The following CSMD1 variants were observed in gnomAD, a reference collection of about 807,000 sequenced individuals.
The protein encoded by CSMD1 is CUB and Sushi multiple domains 1.
In CSMD1, 213 loss-of-function variants were observed where a neutral mutation model predicts 417.5. That is an observed-to-expected ratio of 0.51 (90% CI 0.46 to 0.57). CSMD1 has a LOEUF of 0.57. Among genes scored for constraint, CSMD1 ranks in the 20% least tolerant of loss-of-function variants. CSMD1 has a pLI of 0.00. For synonymous variants in CSMD1, 2,862 were observed against 1,736.8 expected, an observed-to-expected ratio of 1.65 and a Z score of -16.11; for missense variants, 6,923 against 4,529.7, an observed-to-expected ratio of 1.53 and a Z score of -15.17.
At chr8:3,590,269 A>G (rs1299798051) in intron 8 of CSMD1, among the ~76,000 whole-genome samples, 1 of 152,138 alleles carries the variant, frequency 6.6e-6, no homozygotes, top group Non-Finnish European at 1.5e-5. Flanking sequence ...TTTTGTTTAT[A>G]TATTCAAATG....
chr8:4,790,650 C>T (rs1303401926), intron 1 of CSMD1, among the ~76,000 whole-genome samples: 1 of 152,114 alleles, frequency 6.6e-6, no homozygotes, highest in Non-Finnish European at 1.5e-5. Flanking sequence ...ACCAATGCAA[C>T]AGGTTACAGA....
intron 7 of CSMD1, among the ~76,000 whole-genome samples, chr8:3,654,658 G>C (rs1393425969): frequency 1.3e-5 from 2 of 152,208 alleles, no homozygotes; most frequent in Non-Finnish European, 2.9e-5. Flanking sequence ...AGCTCCATTT[G>C]TGATATGCTA....
chr8:3,136,533 G>A (rs1488539351), intron 41 of CSMD1, among the ~76,000 whole-genome samples: 1 of 152,088 alleles, frequency 6.6e-6, no homozygotes, highest in Non-Finnish European at 1.5e-5. Flanking sequence ...CCAAAGTGCT[G>A]GGATTACAGA....
chr8:4,214,797 C>G (rs1277687772), intron 3 of CSMD1, among the ~76,000 whole-genome samples: 2 of 152,066 alleles, frequency 1.3e-5, no homozygotes, highest in Non-Finnish European at 2.9e-5. Context: ...TGTAGTATAA[C>G]TTTAAGAGAA....
Position 3,308,427 on chromosome 8 carries a change from G to A in CSMD1, c.3708C>T (p.Thr1236=), listed in dbSNP as rs141170475. The A allele has an allele frequency of 1.5e-4, 241 of 1,613,668 alleles. No homozygotes were observed. The highest frequency in any genetic ancestry group is 8.3e-4 in the Middle Eastern group (5 of 6,052). ...TGCAACTGTACAGAACTACAGTGTC[G>A]GTAAAGTGGCCTTCATCACGGATCC... ...GYRIRDEGHF[T]DTVVLYSCNP... is the part of the protein sequence containing the mutation. The change falls in exon 24 of 70, where the codon ACC becomes ACT. Residue 1236 remains threonine (T), a synonymous_variant. Transcript: ENST00000635120.
chr8:3,543,698 T>C (rs1309392995), intron 10 of CSMD1, among the ~76,000 whole-genome samples: 2 of 152,096 alleles, frequency 1.3e-5, no homozygotes, highest in African/African-American at 2.4e-5. Flanking sequence ...ACAGGTTTTG[T>C]AGAGGAGACC....
rs60133249 is a variant in CSMD1 at position 3,083,659 on chromosome 8, T to TTA, written c.7474+3437_7474+3438insTA. ...ATATATATATATATATTTTTTTTTTTTTTTTTTTTTTTTTTTTTTTTGGTC... is the reference window on the plus strand; with the variant it reads ...ATATATATATATATATTTTTTTTTTTTATTTTTTTTTTTTTTTTTTTTTGGTC... On this transcript the variant is annotated intron_variant, in intron 49 of 69. Coordinates refer to ENST00000635120, the MANE Select transcript of CSMD1 (RefSeq NM_033225.6). 1.0e-3 allele frequency among the ~76,000 whole-genome samples: 70 copies of TTA among 70,074 alleles called. 2 individuals carry two copies. Among genetic ancestry groups the TTA allele is most frequent in the Admixed American group, 8.1e-3 (44 of 5,430 alleles). The allele number at this position is 70,074 out of a possible 152,430, so 46.0% of individuals were successfully genotyped here. A position where few individuals can be genotyped will look rare whatever the true frequency, so the allele number is the denominator to read the frequency against.
chr8:4,613,318 C>G (rs1299309614), intron 2 of CSMD1, among the ~76,000 whole-genome samples: 2 of 152,134 alleles, frequency 1.3e-5, no homozygotes, highest in Non-Finnish European at 2.9e-5. Flanking sequence ...GAGTAGACAC[C>G]ACCGCAGGTG....
chr8:4,742,021 TTTTTTTTTTTTTTTTTTTTTTTTTTTTG>T (rs1810645054), intron 1 of CSMD1, among the ~76,000 whole-genome samples: 1 of 69,922 alleles, frequency 1.4e-5, no homozygotes. Context: ...TTTTTTTTTT[TTTTTTTTTTTTTTTTTTTTTTTTTTTTG>T]AGACGGAGTC....
chr8:4,228,053 G>A (rs141766085), intron 3 of CSMD1, among the ~76,000 whole-genome samples: 17 of 144,676 alleles, frequency 1.2e-4, no homozygotes, highest in African/African-American at 2.3e-4. Flanking sequence ...CAGGAAGCAC[G>A]CCCTCTAACT....
At chr8:3,443,053 T>C (rs1815091399) in intron 12 of CSMD1, among the ~76,000 whole-genome samples, 1 of 152,232 alleles carries the variant, frequency 6.6e-6, no homozygotes, top group South Asian at 2.1e-4. Flanking sequence ...TATGAGTTTG[T>C]ATATGTGACT....
chr8:4,453,524 C>T (rs1799277364), intron 2 of CSMD1, among the ~76,000 whole-genome samples: 1 of 152,200 alleles, frequency 6.6e-6, no homozygotes, highest in South Asian at 2.1e-4. Context: ...CATCAGATTC[C>T]TGCAGAGAAC....
intron 10 of CSMD1, among the ~76,000 whole-genome samples, chr8:3,534,340 C>T (rs921341395): frequency 6.6e-6 from 1 of 152,050 alleles, no homozygotes; most frequent in Non-Finnish European, 1.5e-5. Context: ...CTGTTTTCCA[C>T]ACTCCTCTCA....
chr8:4,568,158 A>G (rs1242738912), intron 2 of CSMD1, among the ~76,000 whole-genome samples: 1 of 152,164 alleles, frequency 6.6e-6, no homozygotes. Context: ...TTAAAAAAAT[A>G]TATAAGTTAT....
chr8:3,751,713 T>C (rs544456069), intron 6 of CSMD1, among the ~76,000 whole-genome samples: 1 of 152,232 alleles, frequency 6.6e-6, no homozygotes, highest in East Asian at 1.9e-4. Context: ...GAGTTTCTTA[T>C]ATCTACCATC....
At chr8:4,253,311 T>G (rs1400479938) in intron 3 of CSMD1, among the ~76,000 whole-genome samples, 1 of 152,204 alleles carries the variant, frequency 6.6e-6, no homozygotes, top group Non-Finnish European at 1.5e-5. Context: ...TATTCATGTT[T>G]TGTCTCTTTT....
At chr8:3,195,125 T>C (rs947262909) in intron 33 of CSMD1, among the ~76,000 whole-genome samples, 2 of 152,124 alleles carry the variant, frequency 1.3e-5, no homozygotes, top group East Asian at 3.8e-4. Context: ...ATTACAGAAA[T>C]AGGCCTTTTA....
chr8:4,084,404 A>C (rs1183014033), intron 3 of CSMD1, among the ~76,000 whole-genome samples: 1 of 152,124 alleles, frequency 6.6e-6, no homozygotes, highest in Non-Finnish European at 1.5e-5. Context: ...AAATTTTTTA[A>C]ATTCCTAATT....
At chr8:4,971,860 G>T (rs1409383903) in intron 1 of CSMD1, among the ~76,000 whole-genome samples, 1 of 151,952 alleles carries the variant, frequency 6.6e-6, no homozygotes, top group African/African-American at 2.4e-5. Flanking sequence ...AGGAAGAAAT[G>T]GACTGTAATC....
Sources: gnomAD v4.1 joint callset for allele counts (sites outside exome capture counted in the v4.1 genomes callset) on GRCh38, gnomAD v4.1.1 for gene constraint, MANE v1.5 for transcripts, NCBI Gene and HGNC (gene_info 2026-07-23, HGNC 2026-07-21) for gene names.